The following ZMYND8 variants were observed in gnomAD, a reference collection of about 807,000 sequenced individuals.
ZMYND8 encodes the protein MYND-type zinc finger-containing chromatin reader ZMYND8.
A neutral mutation model predicts 140.8 loss-of-function variants in ZMYND8; 37 were observed. The observed-to-expected ratio is 0.26, with a 90% CI of 0.20 to 0.35. The LOEUF is 0.35. Among genes scored for constraint, ZMYND8 ranks in the 10% least tolerant of loss-of-function variants. ZMYND8 has a pLI of 1.00. For synonymous variants in ZMYND8, 592 were observed against 597.1 expected (o/e 0.99, Z 0.12); for missense variants, 1,068 against 1,570.0 (o/e 0.68, Z 5.40).
chr20:47,313,438 T>A (rs6018408), intron 2 of ZMYND8, among the ~76,000 whole-genome samples: 26 of 151,114 alleles, frequency 1.7e-4, no homozygotes, highest in Middle Eastern at 6.8e-3. Flanking sequence ...CTGGCTAACA[T>A]GGTGAAACCC....
chr20:47,274,833 A>G (rs2076161042), intron 11 of ZMYND8, among the ~76,000 whole-genome samples: 1 of 152,232 alleles, frequency 6.6e-6, no homozygotes, highest in Non-Finnish European at 1.5e-5. Context: ...AAGGAAAAGA[A>G]AAAAGAAAAA....
At chr20:47,316,899 C>T (rs2079446493) in intron 2 of ZMYND8, among the ~76,000 whole-genome samples, 1 of 152,152 alleles carries the variant, frequency 6.6e-6, no homozygotes, top group South Asian at 2.1e-4. Flanking sequence ...AGTCACCTGC[C>T]TGAGATCACA....
At chr20:47,255,722 GTA>G (rs369654557) in intron 12 of ZMYND8, among the ~76,000 whole-genome samples, 3,156 of 76,498 alleles carry the variant, frequency 0.041, 116 homozygotes, top group Admixed American at 0.062. Flanking sequence ...GTGTATGTGT[GTA>G]TATATATATA....
chr20:47,327,170 C>A (rs2080501080), intron 2 of ZMYND8, among the ~76,000 whole-genome samples: 2 of 152,018 alleles, frequency 1.3e-5, no homozygotes, highest in Non-Finnish European at 2.9e-5. Flanking sequence ...GCATGCACCA[C>A]CACGCCTGGC....
Position 47,238,849 on chromosome 20 carries a change from C to G in ZMYND8, c.2574G>C (p.Gln858His), listed in dbSNP as rs918152177. ...GCTGCTGCTGCTGCTGCTGCTGACGCTGCATCTTCTGCATGTGCCACTTTT... is the reference window on the plus strand; with the variant it reads ...GCTGCTGCTGCTGCTGCTGCTGACGGTGCATCTTCTGCATGTGCCACTTTT... ...SSQKWHMQKM[Q>H]RQQQQQQQQN... The change falls in exon 15 of 23, where the codon CAG becomes CAC. Residue 858 changes from glutamine to histidine, a missense_variant. Physicochemically the swap from Gln to His is conservative, Grantham distance 24. Transcript: ENST00000471951. 6.2e-7 allele frequency: 1 copy of G among 1,613,332 alleles called. No individual in the cohort carries two copies. The highest frequency in any genetic ancestry group is 8.5e-7 in the Non-Finnish European group (1 of 1,180,034).
In ZMYND8 at chr20:47,209,513, A is replaced by G. The variant is rs368136732; in HGVS notation, c.*1248T>C. 6.6e-6 allele frequency: 1 copy of G among 151,646 alleles called. No individual in the cohort carries two copies. The highest frequency in any genetic ancestry group is 2.4e-5 in the African/African-American group (1 of 41,068). 9.4% of individuals were successfully genotyped at this position (151,646 alleles called of 1,614,324 possible). A position where few individuals can be genotyped will look rare whatever the true frequency, so the allele number is the denominator to read the frequency against. On this transcript the variant is annotated 3_prime_UTR_variant, in exon 23 of 23. Coordinates refer to ENST00000471951, the MANE Select transcript of ZMYND8 (RefSeq NM_001281775.3). ...GTTCTTTCTCTCCTGTTTTCTTCTA[A>G]TACTCTCTTATTTCTTCTCTAATAT...
intron 5 of ZMYND8, among the ~76,000 whole-genome samples, chr20:47,293,196 CAGGCAGGCAGGCAGGCAGGCAGGG>C (rs761630047): frequency 0.24 from 15,181 of 63,784 alleles, 1,384 homozygotes; most frequent in African/African-American, 0.37. Flanking sequence ...GGCAGGCAGG[CAGGCAGGCAGGCAGGCAGGCAGGG>C]AGGGAGGGAG....
intron 3 of ZMYND8, among the ~76,000 whole-genome samples, chr20:47,300,907 T>TGTGTGTGC: frequency 6.8e-6 from 1 of 147,674 alleles, no homozygotes; most frequent in Non-Finnish European, 1.5e-5. Flanking sequence ...TGTGTGTGTG[T>TGTGTGTGC]GTGTGTGTGT....
chr20:47,317,600 C>T (rs766264421), intron 2 of ZMYND8, among the ~76,000 whole-genome samples: 2 of 152,174 alleles, frequency 1.3e-5, no homozygotes, highest in African/African-American at 2.4e-5. Flanking sequence ...GGGGCCTGAA[C>T]GAAAAGAGAA....
At chr20:47,253,019 T>C (rs1404219865) in intron 12 of ZMYND8, among the ~76,000 whole-genome samples, 1 of 152,138 alleles carries the variant, frequency 6.6e-6, no homozygotes, top group Non-Finnish European at 1.5e-5. Flanking sequence ...AACAGATGGG[T>C]GTGGATGTGT....
At chr20:47,293,972 G>A (rs1158108941) in intron 5 of ZMYND8, among the ~76,000 whole-genome samples, 1 of 152,022 alleles carries the variant, frequency 6.6e-6, no homozygotes, top group Non-Finnish European at 1.5e-5. Flanking sequence ...CATGTAAAAC[G>A]TGCCTTGCTT....
chr20:47,280,306 G>A (rs2076527442), intron 10 of ZMYND8, among the ~76,000 whole-genome samples: 2 of 152,150 alleles, frequency 1.3e-5, no homozygotes, highest in South Asian at 4.1e-4. Flanking sequence ...AGCAGGTGCT[G>A]AGAGGGGCTT....
At chr20:47,342,087 A>G (rs2081943928) in intron 2 of ZMYND8, among the ~76,000 whole-genome samples, 1 of 150,096 alleles carries the variant, frequency 6.7e-6, no homozygotes, top group Admixed American at 6.6e-5. Context: ...CAGGAGAATC[A>G]TTTGAAACCA....
At chr20:47,280,039 G>T (rs1404039852) in intron 10 of ZMYND8, among the ~76,000 whole-genome samples, 1 of 151,000 alleles carries the variant, frequency 6.6e-6, no homozygotes, top group East Asian at 2.0e-4. Flanking sequence ...CAGGAGAATG[G>T]CTGAATCCGG....
At chr20:47,294,558 G>A (rs868036490) in intron 5 of ZMYND8, 108 bp downstream of exon 5, 2 of 967,700 alleles carry the variant, frequency 2.1e-6, no homozygotes, top group Middle Eastern at 2.2e-4. Context: ...GGGGATGCAA[G>A]GAGGCCCAAA....
intron 12 of ZMYND8, among the ~76,000 whole-genome samples, chr20:47,254,910 C>T (rs369073157): frequency 3.9e-5 from 6 of 152,120 alleles, no homozygotes; most frequent in South Asian, 2.1e-4. Context: ...GCAGATCACT[C>T]GAGGTCAGGA....
intron 5 of ZMYND8, 113 bp downstream of exon 5, chr20:47,294,553 T>C (rs756969614): frequency 2.7e-5 from 25 of 910,632 alleles, no homozygotes; most frequent in Non-Finnish European, 4.0e-5. Context: ...AATTTGGGGA[T>C]GCAAGGAGGC....
intron 2 of ZMYND8, among the ~76,000 whole-genome samples, chr20:47,327,428 C>A (rs2080526587): frequency 6.6e-6 from 1 of 151,880 alleles, no homozygotes; most frequent in Non-Finnish European, 1.5e-5. Flanking sequence ...CCAAGGCAGG[C>A]AGATCGTTTG....
At chr20:47,307,146 TAA>T (rs111537517) in intron 3 of ZMYND8, among the ~76,000 whole-genome samples, 3 of 151,864 alleles carry the variant, frequency 2.0e-5, no homozygotes, top group African/African-American at 7.2e-5. Context: ...AGTGCCCTTA[TAA>T]AAAAAGGGAC....
Sources: allele counts gnomAD v4.1 joint callset (sites outside exome capture counted in the v4.1 genomes callset), GRCh38; gene constraint gnomAD v4.1.1; transcripts MANE v1.5; gene names NCBI Gene and HGNC (gene_info 2026-07-23, HGNC 2026-07-21).